The following MYO1E variants were observed in gnomAD, a reference collection of about 807,000 sequenced individuals.
MYO1E encodes the protein myosin IE.
MYO1E carries 68 observed loss-of-function variants against 151.1 expected under a neutral mutation model. The ratio of observed to expected loss-of-function variants is 0.45; its 90% CI spans 0.37 to 0.55. The LOEUF is 0.55. Ranked by LOEUF, MYO1E falls within the 20% of genes least tolerant of loss-of-function variation. The probability of loss-of-function intolerance (pLI) is 0.00; values close to 1 mark genes in which losing one functional copy is unlikely to be tolerated. For missense variants in MYO1E, 1,363 were observed against 1,389.3 expected, an observed-to-expected ratio of 0.98 and a Z score of 0.30; for synonymous variants, 601 against 501.7, an observed-to-expected ratio of 1.20 and a Z score of -2.64.
rs71425844 is a variant in MYO1E, at chr15:59,140,066, T to TTGTG, written c.3081-1703_3081-1700dup. Among the ~76,000 whole-genome samples the TTGTG allele has an allele frequency of 6.9e-3, 1,039 of 150,308 alleles. 13 individuals carry two copies. Among genetic ancestry groups the TTGTG allele is most frequent in the African/African-American group, 0.024 (976 of 41,034 alleles). On this transcript the variant is annotated intron_variant, in intron 26 of 27. Transcript: ENST00000288235. ...GACATTTGCGGCTGGGAATTCTCTG[T>TTGTG]TGTGTGTGTGTGTGTGTGTGTATGG...
chr15:59,236,568 G>A lies in MYO1E; in HGVS notation c.420+17C>T. 6.3e-7 allele frequency: 1 copy of A among 1,588,724 alleles called. No homozygotes were observed. Among genetic ancestry groups the A allele is most frequent in the East Asian group, 2.2e-5 (1 of 44,728 alleles). On this transcript the variant is annotated intron_variant, in intron 5 of 27. Transcript: ENST00000288235. The stretch of plus-strand genomic sequence containing the variant: ...TCCCATAACATAAGGTATCATAATG[G>A]GCCACTGCCCACTCACCTGGACTTT...
intron 18 of MYO1E, among the ~76,000 whole-genome samples, chr15:59,179,970 T>A (rs1596354377): frequency 6.6e-6 from 1 of 152,246 alleles, no homozygotes; most frequent in South Asian, 2.1e-4. Flanking sequence ...CCCTCCTTTG[T>A]TCCCAGAAAC....
chr15:59,340,578 T>G (rs1269867231), intron 1 of MYO1E, among the ~76,000 whole-genome samples: 1 of 152,216 alleles, frequency 6.6e-6, no homozygotes, highest in East Asian at 1.9e-4. Flanking sequence ...AATGACATGT[T>G]TACAATTGCC....
intron 1 of MYO1E, among the ~76,000 whole-genome samples, chr15:59,338,883 G>A (rs1372588885): frequency 5.9e-5 from 9 of 152,224 alleles, no homozygotes; most frequent in African/African-American, 1.9e-4. Flanking sequence ...TGTAATCCCA[G>A]CATTTTTGGA....
At chr15:59,372,206 G>A (rs563980647) in intron 1 of MYO1E, among the ~76,000 whole-genome samples, 2 of 152,096 alleles carry the variant, frequency 1.3e-5, no homozygotes, top group East Asian at 1.9e-4. Context: ...CCTCGCAGCC[G>A]ATGCGCCCAC....
chr15:59,205,272 C>T, intron 15 of MYO1E, 128 bp downstream of exon 15: 1 of 934,668 alleles, frequency 1.1e-6, no homozygotes, highest in Non-Finnish European at 1.7e-6. Context: ...AAGTGATCCT[C>T]CTGCCTTAGC....
intron 4 of MYO1E, among the ~76,000 whole-genome samples, chr15:59,246,298 A>C (rs2080129693): frequency 6.6e-6 from 1 of 151,950 alleles, no homozygotes; most frequent in Admixed American, 6.6e-5. Flanking sequence ...TTATATTTTT[A>C]GTAGAGATGG....
intron 19 of MYO1E, among the ~76,000 whole-genome samples, chr15:59,177,946 GTAAC>G: frequency 6.6e-6 from 1 of 152,330 alleles, no homozygotes; most frequent in Middle Eastern, 3.4e-3. Context: ...GAGACTATGC[GTAAC>G]TGACTTGGTG....
intron 9 of MYO1E, among the ~76,000 whole-genome samples, chr15:59,219,492 T>C (rs1247326904): frequency 1.3e-5 from 2 of 152,214 alleles, no homozygotes; most frequent in Admixed American, 6.5e-5. Flanking sequence ...CAGATGGTGT[T>C]AGAATATAAC....
chr15:59,209,012 G>C, intron 13 of MYO1E, 164 bp from the exon 14 acceptor site: 1 of 819,340 alleles, frequency 1.2e-6, no homozygotes, highest in Non-Finnish European at 2.0e-6. Flanking sequence ...GTCCCAAATA[G>C]GGAGTCACCA....
At chr15:59,191,865 C>G (rs2079736346) in intron 17 of MYO1E, among the ~76,000 whole-genome samples, 1 of 152,160 alleles carries the variant, frequency 6.6e-6, no homozygotes, top group African/African-American at 2.4e-5. Flanking sequence ...AGTCTTTTTC[C>G]AAGACTGTCC....
intron 1 of MYO1E, among the ~76,000 whole-genome samples, chr15:59,327,201 G>A (rs2080670257): frequency 6.6e-6 from 1 of 152,174 alleles, no homozygotes; most frequent in Admixed American, 6.5e-5. Flanking sequence ...GTGGACCCAA[G>A]ACTTTGCTTT....
chr15:59,313,219 T>C (rs1290190186), intron 1 of MYO1E, among the ~76,000 whole-genome samples: 1 of 152,236 alleles, frequency 6.6e-6, no homozygotes, highest in African/African-American at 2.4e-5. Flanking sequence ...TAGCTCTTGA[T>C]ATAACCCAAA....
At chr15:59,223,314 A>C in intron 8 of MYO1E, 123 bp from the exon 9 acceptor site, 1 of 1,043,368 alleles carries the variant, frequency 9.6e-7, no homozygotes, top group Non-Finnish European at 1.3e-6. Context: ...CGAGTTACAA[A>C]GAAAAAAAAA....
intron 1 of MYO1E, among the ~76,000 whole-genome samples, chr15:59,301,463 T>C (rs2080482154): frequency 1.3e-5 from 2 of 152,196 alleles, no homozygotes; most frequent in Admixed American, 1.3e-4. Context: ...AGCCTTCTTT[T>C]GAGATGCCCT....
chr15:59,151,047 ACACG>A (rs1226339458), intron 26 of MYO1E, among the ~76,000 whole-genome samples: 171 of 90,068 alleles, frequency 1.9e-3, no homozygotes, highest in South Asian at 4.4e-3. Context: ...ACACACACAC[ACACG>A]CGCGCGCGCG....
intron 14 of MYO1E, chr15:59,206,927 T>C (rs1208158185): frequency 6.2e-7 from 1 of 1,604,234 alleles, no homozygotes; most frequent in African/African-American, 1.3e-5. Context: ...TCTCCACTTC[T>C]TCAGTGAGCA....
chr15:59,195,644 T>C, intron 16 of MYO1E, 77 bp from the exon 17 acceptor site: 2 of 1,289,724 alleles, frequency 1.6e-6, no homozygotes, highest in African/African-American at 1.5e-5. Flanking sequence ...CTTGTAAAAC[T>C]CTCTTGTAGA....
chr15:59,201,319 C>T (rs1383290308), intron 16 of MYO1E, among the ~76,000 whole-genome samples: 1 of 151,808 alleles, frequency 6.6e-6, no homozygotes, highest in Non-Finnish European at 1.5e-5. Flanking sequence ...GTCTCGAACT[C>T]CTGGGGTCAA....
Sources: allele counts gnomAD v4.1 joint callset (sites outside exome capture counted in the v4.1 genomes callset), GRCh38; gene constraint gnomAD v4.1.1; transcripts MANE v1.5; gene names NCBI Gene and HGNC (gene_info 2026-07-23, HGNC 2026-07-21).